The following TNRC6B variants were observed in gnomAD, a reference collection of about 807,000 sequenced individuals.
TNRC6B encodes the protein trinucleotide repeat containing adaptor 6B.
A neutral mutation model predicts 203.6 loss-of-function variants in TNRC6B; 52 were observed. That is an observed-to-expected ratio of 0.26 (90% CI 0.20 to 0.32). The LOEUF is 0.32. TNRC6B is among the 10% of genes least tolerant of loss of function. The pLI, the probability that TNRC6B is intolerant of heterozygous loss-of-function variation, is 1.00. For synonymous variants in TNRC6B, 838 were observed against 845.7 expected (o/e 0.99, Z 0.16); for missense variants, 1,923 against 2,286.2 (o/e 0.84, Z 3.24).
At chr22:40,239,440 A>G (rs1488029994) in intron 1 of TNRC6B, among the ~76,000 whole-genome samples, 1 of 152,082 alleles carries the variant, frequency 6.6e-6, no homozygotes, top group East Asian at 1.9e-4. Flanking sequence ...AGACGGGGCA[A>G]TAGTTGTGGG....
rs148967564 is a variant in TNRC6B at position 40,072,916 on chromosome 22, A to G, written c.-121+27918A>G. Among the ~76,000 whole-genome samples the G allele has an allele frequency of 2.7e-3, 404 of 149,986 alleles. 2 individuals are homozygous for G. The highest frequency in any genetic ancestry group is 9.6e-3 in the African/African-American group (388 of 40,616). On this transcript the variant is annotated intron_variant, in intron 1 of 23. Coordinates refer to the TNRC6B transcript ENST00000301923. ...TGGCTTCACAGTGGAGGTATAGAGCATTGGGACATAAGCTAGAACAAAAGA... is the reference window on the plus strand; with the variant it reads ...TGGCTTCACAGTGGAGGTATAGAGCGTTGGGACATAAGCTAGAACAAAAGA...
chr22:40,101,086 G>A (rs890161042), intron 1 of TNRC6B, among the ~76,000 whole-genome samples: 2 of 151,460 alleles, frequency 1.3e-5, no homozygotes, highest in East Asian at 1.9e-4. Context: ...TCCACCTCCC[G>A]GGCTCAAGCA....
intron 1 of TNRC6B, among the ~76,000 whole-genome samples, chr22:40,096,626 C>G (rs1360735326): frequency 2.6e-5 from 4 of 152,174 alleles, no homozygotes; most frequent in African/African-American, 7.2e-5. Flanking sequence ...AAGAAAACTT[C>G]CCCCAGTCTT....
intron 1 of TNRC6B, among the ~76,000 whole-genome samples, chr22:40,212,348 G>A (rs910058689): frequency 6.6e-6 from 1 of 152,218 alleles, no homozygotes; most frequent in African/African-American, 2.4e-5. Flanking sequence ...AGGATGCAAC[G>A]TGGCCCTCAC....
In TNRC6B at chr22:40,285,465, GA is replaced by G. The variant is rs554010545; in HGVS notation, c.3583-179del. Among the ~76,000 whole-genome samples, 58 of 152,284 alleles carry G rather than the reference GA, an allele frequency of 3.8e-4. 1 individual carries two copies. The East Asian group carries it at 4.2e-3, about 11-fold the overall frequency. On this transcript the variant is annotated intron_variant, in intron 11 of 22. Coordinates refer to ENST00000454349, the MANE Select transcript of TNRC6B (RefSeq NM_001162501.2). ...TTCTTCAAACTGTACAGGTGCCCAT[GA>G]GTCAATCTGAGTAATTGCCCCAAGC...
intron 21 of TNRC6B, among the ~76,000 whole-genome samples, chr22:40,319,687 G>A (rs1429425428): frequency 6.6e-6 from 1 of 152,112 alleles, no homozygotes; most frequent in Non-Finnish European, 1.5e-5. Context: ...GTCTTCCAAA[G>A]TGCTGGGATT....
At chr22:40,060,764 A>G (rs2067842937) in intron 1 of TNRC6B, among the ~76,000 whole-genome samples, 1 of 152,200 alleles carries the variant, frequency 6.6e-6, no homozygotes, top group South Asian at 2.1e-4. Context: ...GGACACACTT[A>G]ATTCCCCCAG....
intron 1 of TNRC6B, among the ~76,000 whole-genome samples, chr22:40,190,668 C>G (rs904957174): frequency 6.6e-6 from 1 of 152,214 alleles, no homozygotes; most frequent in African/African-American, 2.4e-5. Flanking sequence ...CAGCAGCTCT[C>G]TGGCCTGCCC....
In TNRC6B at chr22:40,262,165, C is replaced by G. The variant is rs930678025; in HGVS notation, c.449C>G (p.Thr150Ser). ...TGALLQSESG[T>S]APDSTLGGAA... ...GCGCTGCTGCAGAGTGAGAGTGGGA[C>G]TGCGCCAGGTAAGGCACCCTGTGAA... The change falls in exon 4 of 23, where the codon ACT becomes AGT. Residue 150 changes from threonine (T) to serine (S), a missense_variant. Thr to Ser is a moderately conservative substitution (Grantham distance 58). Coordinates refer to ENST00000454349, the MANE Select transcript of TNRC6B (RefSeq NM_001162501.2). 3 of 1,411,140 alleles carry G rather than the reference C, an allele frequency of 2.1e-6. No individual in the cohort carries two copies. The highest frequency in any genetic ancestry group is 2.3e-5 in the Admixed American group (1 of 43,170). 87.4% of individuals were successfully genotyped at this position (1,411,140 alleles called of 1,614,324 possible). A position where few individuals can be genotyped will look rare whatever the true frequency, so the allele number is the denominator to read the frequency against.
intron 3 of TNRC6B, among the ~76,000 whole-genome samples, chr22:40,147,306 G>C (rs901104445): frequency 6.6e-6 from 1 of 152,172 alleles, no homozygotes; most frequent in African/African-American, 2.4e-5. Flanking sequence ...AGCAGGGACT[G>C]GGGAGTTACT....
chr22:40,048,406 C>T (rs756030888), intron 1 of TNRC6B, among the ~76,000 whole-genome samples: 6 of 151,940 alleles, frequency 3.9e-5, no homozygotes, highest in African/African-American at 1.2e-4. Flanking sequence ...CCGGGTGTGG[C>T]GGCGCATGCC....
chr22:40,123,875 A>C (rs2068465163), intron 2 of TNRC6B, among the ~76,000 whole-genome samples: 1 of 150,668 alleles, frequency 6.6e-6, no homozygotes, highest in African/African-American at 2.5e-5. Context: ...CTATCAACCT[A>C]ATTTTTATAG....
chr22:40,153,603 G>A (rs892773702), intron 3 of TNRC6B, among the ~76,000 whole-genome samples: 1 of 151,120 alleles, frequency 6.6e-6, no homozygotes, highest in African/African-American at 2.4e-5. Flanking sequence ...TAGTTCCAGG[G>A]AAACCAAAAT....
chr22:40,127,626 C>T (rs1230249083), intron 3 of TNRC6B, among the ~76,000 whole-genome samples: 1 of 152,182 alleles, frequency 6.6e-6, no homozygotes, highest in Non-Finnish European at 1.5e-5. Context: ...AATCCCAGCA[C>T]TTTGGGAGTC....
At chr22:40,112,136 A>G (rs1263337907) in intron 1 of TNRC6B, among the ~76,000 whole-genome samples, 1 of 152,134 alleles carries the variant, frequency 6.6e-6, no homozygotes, top group Non-Finnish European at 1.5e-5. Flanking sequence ...GTGTAATAAA[A>G]AGAGAAAGGG....
chr22:40,298,465 A>G (rs1344605151), intron 12 of TNRC6B, among the ~76,000 whole-genome samples: 1 of 152,220 alleles, frequency 6.6e-6, no homozygotes, highest in Non-Finnish European at 1.5e-5. Flanking sequence ...GATGCAAGGG[A>G]ACTGTAATCA....
At chr22:40,247,655 T>C (rs5750916) in intron 2 of TNRC6B, among the ~76,000 whole-genome samples, 1 of 152,376 alleles carries the variant, frequency 6.6e-6, no homozygotes, top group East Asian at 1.9e-4. Flanking sequence ...TGTTTGTCTC[T>C]ATTAATAGTG....
rs539074908 is a variant in TNRC6B at position 40,069,738 on chromosome 22, C to T, written c.-121+24740C>T. Among the ~76,000 whole-genome samples the T allele has an allele frequency of 4.2e-4, 64 of 152,062 alleles. 1 individual carries two copies. Among genetic ancestry groups the T allele is most frequent in the South Asian group, 1.5e-3 (7 of 4,812 alleles). ...CCAACCTCAGGTGATCCACCCACCT[C>T]GGCCTCCCAAAAGTGCTGGGATTAC... On this transcript the variant is annotated intron_variant, in intron 1 of 23. Transcript: ENST00000301923.
chr22:40,059,780 C>T (rs1323722453), intron 1 of TNRC6B, among the ~76,000 whole-genome samples: 1 of 149,826 alleles, frequency 6.7e-6, no homozygotes, highest in Non-Finnish European at 1.5e-5. Flanking sequence ...ACCCTGGATT[C>T]CTGGGATAAG....
Sources: gnomAD v4.1 joint callset for allele counts (sites outside exome capture counted in the v4.1 genomes callset) on GRCh38, gnomAD v4.1.1 for gene constraint, MANE v1.5 for transcripts, NCBI Gene and HGNC (gene_info 2026-07-23, HGNC 2026-07-21) for gene names.